Variants in PLA2G4C observed in about 807,000 individuals in gnomAD.
PLA2G4C encodes the protein phospholipase A2 group IVC, also known as cytosolic phospholipase A2 gamma.
Under a neutral mutation model 73.8 loss-of-function variants are expected in PLA2G4C, and 64 were observed. The observed-to-expected ratio is 0.87, with a 90% CI of 0.71 to 1.07. The LOEUF is 1.07. Ranked by LOEUF, PLA2G4C falls within the 50% of genes least tolerant of loss-of-function variation. PLA2G4C has a pLI of 0.00. For missense variants in PLA2G4C, 622 were observed against 665.4 expected (o/e 0.93, Z 0.72); for synonymous variants, 254 against 252.1 (o/e 1.01, Z -0.07).
intron 4 of PLA2G4C, among the ~76,000 whole-genome samples, chr19:48,102,302 C>T (rs1233219842): frequency 6.6e-6 from 1 of 151,742 alleles, no homozygotes; most frequent in African/African-American, 2.4e-5. Context: ...ACCAGCCTGG[C>T]CAACACGGGG....
intron 15 of PLA2G4C, among the ~76,000 whole-genome samples, chr19:48,054,474 T>C (rs1457033401): frequency 8.4e-6 from 1 of 119,660 alleles, no homozygotes; most frequent in East Asian, 2.4e-4. Flanking sequence ...CAGCAATTTA[T>C]TTTTTTTTGT....
At chr19:48,080,578 G>A (rs1258094080) in intron 10 of PLA2G4C, among the ~76,000 whole-genome samples, 2 of 152,148 alleles carry the variant, frequency 1.3e-5, no homozygotes, top group African/African-American at 2.4e-5. Context: ...GGAGGCTGAG[G>A]AGGGGAGATC....
In PLA2G4C at chr19:48,102,282, G is replaced by A. The variant is rs113855481; in HGVS notation, c.257+2306C>T. Among the ~76,000 whole-genome samples, 834 of 151,948 alleles carry A rather than the reference G, an allele frequency of 5.5e-3. 12 individuals carry two copies. The highest frequency in any genetic ancestry group is 0.019 in the African/African-American group (779 of 41,502). The stretch of plus-strand genomic sequence containing the variant: ...AGGGCAGGCAGATCACCTGAGGTCA[G>A]AAGTTTGAGACCAGCCTGGCCAACA... On this transcript the variant is annotated intron_variant, in intron 4 of 16. Transcript: ENST00000599921.
intron 16 of PLA2G4C, among the ~76,000 whole-genome samples, chr19:48,050,396 G>A (rs1025927594): frequency 8.5e-5 from 13 of 152,076 alleles, no homozygotes; most frequent in African/African-American, 1.4e-4. Flanking sequence ...TCTACCTTGC[G>A]ACCCTGAGGT....
chr19:48,098,021 T>A, intron 6 of PLA2G4C, 118 bp downstream of exon 6: 1 of 1,152,204 alleles, frequency 8.7e-7, no homozygotes. Flanking sequence ...TTTTCTGCAA[T>A]CCTGAGCCCT....
chr19:48,090,303 T>C, intron 8 of PLA2G4C, 61 bp downstream of exon 8: 7 of 1,171,554 alleles, frequency 6.0e-6, no homozygotes, highest in Admixed American at 1.7e-5. Context: ...GGAAAAGTAC[T>C]GTGAATCTCC....
chr19:48,057,977 C>T (rs938280673), intron 14 of PLA2G4C, among the ~76,000 whole-genome samples: 21 of 150,422 alleles, frequency 1.4e-4, no homozygotes, highest in Non-Finnish European at 2.2e-4. Flanking sequence ...GGACTACAGG[C>T]GTGAGCCACC....
chr19:48,089,091 T>G (rs1228270591), intron 8 of PLA2G4C, among the ~76,000 whole-genome samples: 1 of 152,174 alleles, frequency 6.6e-6, no homozygotes, highest in Non-Finnish European at 1.5e-5. Context: ...GATTCCCTTT[T>G]TAGTTTTGTT....
At chr19:48,059,149 T>C (rs545311338) in intron 14 of PLA2G4C, among the ~76,000 whole-genome samples, 1 of 151,744 alleles carries the variant, frequency 6.6e-6, no homozygotes, top group African/African-American at 2.4e-5. Flanking sequence ...CGCATGCCTG[T>C]AATCTCAGCT....
intron 9 of PLA2G4C, 79 bp from the exon 10 acceptor site, chr19:48,085,191 C>T: frequency 1.0e-6 from 1 of 992,880 alleles, no homozygotes; most frequent in Non-Finnish European, 1.6e-6. Flanking sequence ...CACCAGCAGA[C>T]TGGCATAAAG....
chr19:48,049,241 T>C (rs1182138901), intron 16 of PLA2G4C, among the ~76,000 whole-genome samples: 1 of 152,248 alleles, frequency 6.6e-6, no homozygotes, highest in Non-Finnish European at 1.5e-5. Context: ...ATCAAGGTCT[T>C]TCCCACTCCA....
At position 48,076,008 on chromosome 19, in the gene PLA2G4C, G is replaced by C. The variant is rs556627989; in HGVS notation, c.899-1134C>G. Among the ~76,000 whole-genome samples, 84 of 152,352 alleles carry C rather than the reference G, an allele frequency of 5.5e-4. No individual in the cohort carries two copies. The South Asian group carries it at 0.017, about 30-fold the overall frequency. ...GAAGTTGGCTCTCTGCAACCCAGAAGAGGGTTCCCCAGAATCCAACCCTAC... is the reference window on the plus strand; with the variant it reads ...GAAGTTGGCTCTCTGCAACCCAGAACAGGGTTCCCCAGAATCCAACCCTAC... On this transcript the variant is annotated intron_variant, in intron 11 of 16. Coordinates refer to ENST00000599921, the MANE Select transcript of PLA2G4C (RefSeq NM_003706.3).
chr19:48,081,542 G>T (rs4801743), intron 10 of PLA2G4C, among the ~76,000 whole-genome samples: 107,997 of 150,910 alleles, frequency 0.72, 39,150 homozygotes, highest in East Asian at 0.93. Context: ...TGGATCACCT[G>T]AGGTCAGGAG....
intron 15 of PLA2G4C, 123 bp downstream of exon 15, chr19:48,054,755 T>C: frequency 1.1e-6 from 1 of 949,300 alleles, no homozygotes; most frequent in Non-Finnish European, 1.6e-6. Context: ...CAATCCATGC[T>C]GAACTGTGAG....
intron 4 of PLA2G4C, among the ~76,000 whole-genome samples, chr19:48,100,749 A>C (rs1272966068): frequency 7.1e-6 from 1 of 139,928 alleles, no homozygotes; most frequent in African/African-American, 3.2e-5. Context: ...CTCTACTAAA[A>C]ATACAAAAAA....
intron 14 of PLA2G4C, among the ~76,000 whole-genome samples, chr19:48,060,489 A>G (rs1471384064): frequency 6.6e-6 from 1 of 152,074 alleles, no homozygotes; most frequent in Admixed American, 6.6e-5. Flanking sequence ...TCATCACCAG[A>G]TAAGCATTGT....
At chr19:48,079,450 G>A (rs975458771) in intron 10 of PLA2G4C, among the ~76,000 whole-genome samples, 4 of 152,154 alleles carry the variant, frequency 2.6e-5, no homozygotes, top group Admixed American at 6.5e-5. Context: ...AAATGGTGCT[G>A]GGATAACTGG....
At chr19:48,101,530 C>T (rs2031920195) in intron 4 of PLA2G4C, among the ~76,000 whole-genome samples, 1 of 151,882 alleles carries the variant, frequency 6.6e-6, no homozygotes, top group South Asian at 2.1e-4. Context: ...GCTCTTGAGC[C>T]CCTGAAGTGT....
chr19:48,051,671 A>T (rs1006696539), intron 16 of PLA2G4C: 1 of 151,918 alleles, frequency 6.6e-6, no homozygotes, highest in Non-Finnish European at 1.5e-5. Flanking sequence ...CACCCCCAAG[A>T]TCCAATCACC....
Sources: allele counts gnomAD v4.1 joint callset (sites outside exome capture counted in the v4.1 genomes callset), GRCh38; gene constraint gnomAD v4.1.1; transcripts MANE v1.5; gene names NCBI Gene and HGNC (gene_info 2026-07-23, HGNC 2026-07-21).